NSMCE2: variants seen among roughly 807,000 people sequenced by gnomAD.
NSMCE2 encodes NSE2 SUMO ligase component of SMC5/6 complex, also known as E3 SUMO-protein ligase NSE2.
NSMCE2 carries 24 observed loss-of-function variants against 23.8 expected under a neutral mutation model. The observed-to-expected ratio is 1.01, with a 90% CI of 0.73 to 1.42. The LOEUF is 1.42. Ranked by LOEUF, NSMCE2 falls within the 40% of genes most tolerant of loss-of-function variation. The probability of loss-of-function intolerance (pLI) is 0.00; values close to 1 mark genes in which losing one functional copy is unlikely to be tolerated. For missense variants in NSMCE2, 284 were observed against 296.5 expected (o/e 0.96, Z 0.31); for synonymous variants, 92 against 94.1 (o/e 0.98, Z 0.13).
intron 5 of NSMCE2, among the ~76,000 whole-genome samples, chr8:125,285,353 A>G (rs1338244716): frequency 1.3e-5 from 2 of 151,958 alleles, no homozygotes; most frequent in Admixed American, 6.6e-5. Flanking sequence ...CCTTGTTTCT[A>G]TTTTTCTTAG....
chr8:125,239,608 C>CAA lies in NSMCE2; in HGVS notation c.418+57372_418+57373dup, dbSNP rs71295823. On this transcript the variant is annotated intron_variant, in intron 5 of 7. Transcript: ENST00000287437. ...TGGGCGACAGAGCAAGACTCTGTCT[C>CAA]AAAAAAAAAAAAAAAAAAAAATTCA... Among the ~76,000 whole-genome samples, 106 of 95,696 alleles carry CAA rather than the reference C, an allele frequency of 1.1e-3. 1 individual carries two copies. The highest frequency in any genetic ancestry group is 3.4e-3 in the African/African-American group (90 of 26,366). The allele number at this position is 95,696 out of a possible 152,430, so 62.8% of individuals were successfully genotyped here. A position where few individuals can be genotyped will look rare whatever the true frequency, so the allele number is the denominator to read the frequency against.
intron 5 of NSMCE2, among the ~76,000 whole-genome samples, chr8:125,352,941 T>G (rs1314059019): frequency 1.3e-5 from 2 of 152,218 alleles, no homozygotes; most frequent in Non-Finnish European, 2.9e-5. Context: ...ACTCTTGGTC[T>G]GTGGTCTCTT....
intron 3 of NSMCE2, among the ~76,000 whole-genome samples, chr8:125,121,108 C>A (rs1309464837): frequency 6.6e-6 from 1 of 151,946 alleles, no homozygotes; most frequent in Non-Finnish European, 1.5e-5. Flanking sequence ...TATAGTAGAG[C>A]CAGGAGAAAG....
At chr8:125,269,064 A>G (rs1827066142) in intron 5 of NSMCE2, among the ~76,000 whole-genome samples, 1 of 152,016 alleles carries the variant, frequency 6.6e-6, no homozygotes, top group African/African-American at 2.4e-5. Context: ...ATGGATTAAG[A>G]TATATTTGAC....
chr8:125,327,002 C>T (rs182759165), intron 5 of NSMCE2, among the ~76,000 whole-genome samples: 85 of 150,268 alleles, frequency 5.7e-4, no homozygotes, highest in East Asian at 4.9e-3. Context: ...GTGGCTCACA[C>T]CTGTAATCCC....
chr8:125,199,124 C>A (rs1010439989), intron 5 of NSMCE2, among the ~76,000 whole-genome samples: 1 of 151,948 alleles, frequency 6.6e-6, no homozygotes, highest in African/African-American at 2.4e-5. Context: ...TTTTGTTGAT[C>A]TTTTCAAAAA....
At chr8:125,094,033 G>T (rs1004618444) in intron 1 of NSMCE2, among the ~76,000 whole-genome samples, 1 of 151,612 alleles carries the variant, frequency 6.6e-6, no homozygotes, top group Non-Finnish European at 1.5e-5. Flanking sequence ...TAAACTCCTG[G>T]CCTCAAGCAA....
intron 4 of NSMCE2, among the ~76,000 whole-genome samples, chr8:125,181,319 G>C (rs1046878559): frequency 6.6e-6 from 1 of 152,088 alleles, no homozygotes; most frequent in East Asian, 1.9e-4. Context: ...TGAGAAAAGA[G>C]CCCGTTGAGA....
chr8:125,254,605 AT>A (rs34565896), intron 5 of NSMCE2, among the ~76,000 whole-genome samples: 6,185 of 148,040 alleles, frequency 0.042, 185 homozygotes, highest in South Asian at 0.18. Context: ...TTTACCTCAG[AT>A]TTTTTTTTTT....
At chr8:125,313,115 G>A (rs553765297) in intron 5 of NSMCE2, among the ~76,000 whole-genome samples, 39 of 129,808 alleles carry the variant, frequency 3.0e-4, no homozygotes, top group Middle Eastern at 4.0e-3. Context: ...AAAAAAAAAA[G>A]GGAAAGAAGG....
chr8:125,245,002 G>T (rs1034267158), intron 5 of NSMCE2, among the ~76,000 whole-genome samples: 1 of 152,184 alleles, frequency 6.6e-6, no homozygotes, highest in Non-Finnish European at 1.5e-5. Context: ...ATTGAAATTG[G>T]CCAAGCTCTG....
chr8:125,173,444 C>T (rs1316329509), intron 4 of NSMCE2, among the ~76,000 whole-genome samples: 2 of 152,178 alleles, frequency 1.3e-5, no homozygotes, highest in Non-Finnish European at 2.9e-5. Context: ...TCTTGGGAGA[C>T]ACCACCCTAT....
At chr8:125,113,997 T>G (rs1246977890) in intron 3 of NSMCE2, among the ~76,000 whole-genome samples, 1 of 152,200 alleles carries the variant, frequency 6.6e-6, no homozygotes, top group Non-Finnish European at 1.5e-5. Flanking sequence ...TTATTAAGAT[T>G]AAATCTAATT....
intron 7 of NSMCE2, among the ~76,000 whole-genome samples, chr8:125,359,560 C>T (rs1355054120): frequency 6.6e-6 from 1 of 152,022 alleles, no homozygotes. Flanking sequence ...CTCAAACTCC[C>T]GAGCTCAGGT....
chr8:125,229,759 T>C lies in NSMCE2; in HGVS notation c.418+47503T>C, dbSNP rs181920056. On this transcript the variant is annotated intron_variant, in intron 5 of 7. Coordinates refer to ENST00000287437, the MANE Select transcript of NSMCE2 (RefSeq NM_173685.4). ...GTTTTATATTATTTTTAGCTACATA[T>C]CTTTAGTTGATTGTTTTAGTGTTTT... is the stretch of plus-strand genomic sequence containing the variant. 3.1e-3 allele frequency among the ~76,000 whole-genome samples: 476 copies of C among 152,298 alleles called. 3 individuals are homozygous for C. The highest frequency in any genetic ancestry group is 0.011 in the African/African-American group (449 of 41,574).
chr8:125,174,151 C>G (rs1162951141), intron 4 of NSMCE2, among the ~76,000 whole-genome samples: 2 of 151,950 alleles, frequency 1.3e-5, no homozygotes, highest in African/African-American at 4.8e-5. Flanking sequence ...ATTTCCTTCC[C>G]AACACTTTTT....
In NSMCE2 at chr8:125,130,385, C is replaced by T. The variant is rs1819712544; in HGVS notation, c.158-20786C>T. ...TTTTTCTTTCTTTTCCCTCTACATA[C>T]TGTTTTTTGGAAGCAAGTAGCTCGC... On this transcript the variant is annotated intron_variant, in intron 3 of 7. Coordinates refer to ENST00000287437, the MANE Select transcript of NSMCE2 (RefSeq NM_173685.4). The T allele has an allele frequency of 1.2e-4, 47 of 404,242 alleles. 2 individuals carry two copies. Among genetic ancestry groups the T allele is most frequent in the South Asian group, 8.2e-4 (46 of 55,882 alleles). 25.0% of individuals were successfully genotyped at this position (404,242 alleles called of 1,614,324 possible). A position where few individuals can be genotyped will look rare whatever the true frequency, so the allele number is the denominator to read the frequency against.
intron 7 of NSMCE2, among the ~76,000 whole-genome samples, chr8:125,358,661 C>A (rs1315236409): frequency 6.6e-6 from 1 of 152,056 alleles, no homozygotes; most frequent in African/African-American, 2.4e-5. Context: ...GGATTTGTTG[C>A]AGGAATGGAA....
intron 3 of NSMCE2, among the ~76,000 whole-genome samples, chr8:125,118,560 A>G (rs1019686478): frequency 6.6e-6 from 1 of 152,182 alleles, no homozygotes; most frequent in Non-Finnish European, 1.5e-5. Flanking sequence ...ACTAGGTGGC[A>G]CCAGAACACT....
Sources: gnomAD v4.1 joint callset for allele counts (sites outside exome capture counted in the v4.1 genomes callset) on GRCh38, gnomAD v4.1.1 for gene constraint, MANE v1.5 for transcripts, NCBI Gene and HGNC (gene_info 2026-07-23, HGNC 2026-07-21) for gene names.